NFIB: variants seen among roughly 807,000 people sequenced by gnomAD.
The protein encoded by NFIB is nuclear factor 1 B-type.
In NFIB, 11 loss-of-function variants were observed where a neutral mutation model predicts 61.5. The ratio of observed to expected loss-of-function variants is 0.18; its 90% CI spans 0.11 to 0.30. The LOEUF (loss-of-function observed/expected upper bound fraction) is 0.30. Among genes scored for constraint, NFIB ranks in the 10% least tolerant of loss-of-function variants. The pLI, the probability that NFIB is intolerant of heterozygous loss-of-function variation, is 1.00. For synonymous variants in NFIB, 260 were observed against 216.5 expected (o/e 1.20, Z -1.76); for missense variants, 471 against 608.9 (o/e 0.77, Z 2.38).
At chr9:14,459,032 G>C in the NFIB span, among the ~76,000 whole-genome samples, 2 of 151,996 alleles carry the variant, frequency 1.3e-5, no homozygotes, top group Non-Finnish European at 2.9e-5. Flanking sequence ...AGTTCATATG[G>C]AACCAAAAAA....
rs573695925 is a variant in NFIB, at chr9:14,195,456, G to A, written c.563-15676C>T. ...CATCAAGCTAATTTTGTGAGCACAC[G>A]AAACAGAGAAATAATCTCAAAGAAA... is the stretch of plus-strand genomic sequence containing the variant. On this transcript the variant is annotated intron_variant, in intron 2 of 10. Coordinates refer to ENST00000380953, the MANE Select transcript of NFIB (RefSeq NM_001190737.2). 6.8e-4 allele frequency among the ~76,000 whole-genome samples: 104 copies of A among 152,316 alleles called. 1 individual carries two copies. Among genetic ancestry groups the A allele is most frequent in the Non-Finnish European group, 1.2e-3 (83 of 68,026 alleles).
the NFIB span, among the ~76,000 whole-genome samples, chr9:14,419,516 C>T: frequency 6.6e-6 from 1 of 152,076 alleles, no homozygotes; most frequent in Non-Finnish European, 1.5e-5. Context: ...CTGCTGTAGC[C>T]ATTTTGAAAT....
At chr9:14,487,548 C>A in the NFIB span, among the ~76,000 whole-genome samples, 1 of 152,108 alleles carries the variant, frequency 6.6e-6, no homozygotes, top group Non-Finnish European at 1.5e-5. Flanking sequence ...CCTGACCCCA[C>A]CCCCAAATTC....
At chr9:14,490,302 T>A in the NFIB span, among the ~76,000 whole-genome samples, 1 of 152,042 alleles carries the variant, frequency 6.6e-6, no homozygotes, top group African/African-American at 2.4e-5. Flanking sequence ...CATACACATA[T>A]AAAAAATCAA....
intron 2 of NFIB, among the ~76,000 whole-genome samples, chr9:14,280,809 A>G (rs1051200624): frequency 6.6e-6 from 1 of 152,168 alleles, no homozygotes; most frequent in Non-Finnish European, 1.5e-5. Flanking sequence ...CAGGTATAGA[A>G]GGTGGCCAGG....
chr9:14,241,786 T>G (rs1231426673), intron 2 of NFIB, among the ~76,000 whole-genome samples: 1 of 152,204 alleles, frequency 6.6e-6, no homozygotes, highest in Admixed American at 6.6e-5. Flanking sequence ...TGCAGAAATA[T>G]ATTTTAAATT....
At chr9:14,450,594 T>G in the NFIB span, among the ~76,000 whole-genome samples, 1 of 152,276 alleles carries the variant, frequency 6.6e-6, no homozygotes, top group Non-Finnish European at 1.5e-5. Flanking sequence ...TCTAACTAAG[T>G]GCCCCTCTAC....
At chr9:14,214,608 G>T (rs1261613431) in intron 2 of NFIB, among the ~76,000 whole-genome samples, 1 of 152,184 alleles carries the variant, frequency 6.6e-6, no homozygotes, top group Non-Finnish European at 1.5e-5. Context: ...ATTATGGATT[G>T]TATCATGCTT....
At chr9:14,212,031 C>A (rs546604068) in intron 2 of NFIB, among the ~76,000 whole-genome samples, 105 of 152,260 alleles carry the variant, frequency 6.9e-4, no homozygotes, top group African/African-American at 2.5e-3. Context: ...AGTGTTAATG[C>A]AAATACGTTG....
At chr9:14,406,881 C>A in the NFIB span, among the ~76,000 whole-genome samples, 1 of 152,188 alleles carries the variant, frequency 6.6e-6, no homozygotes, top group East Asian at 1.9e-4. Context: ...TAGAGCAAAG[C>A]CTCACCTTCT....
the NFIB span, among the ~76,000 whole-genome samples, chr9:14,468,437 C>T: frequency 6.6e-6 from 1 of 152,312 alleles, no homozygotes; most frequent in East Asian, 1.9e-4. Flanking sequence ...AAAATGCCCA[C>T]TTATTAATGA....
intron 2 of NFIB, among the ~76,000 whole-genome samples, chr9:14,198,493 C>T (rs888268984): frequency 6.6e-6 from 1 of 151,994 alleles, no homozygotes; most frequent in Non-Finnish European, 1.5e-5. Context: ...CCAAAAAGAC[C>T]AATTAAAGGA....
chr9:14,265,552 T>G (rs1430938078), intron 2 of NFIB, among the ~76,000 whole-genome samples: 1 of 152,176 alleles, frequency 6.6e-6, no homozygotes, highest in Non-Finnish European at 1.5e-5. Context: ...ATCTTGGCCT[T>G]CCCAGCCTCC....
rs59986215 is a variant in NFIB, at chr9:14,105,962, A to T, written c.1467+7037T>A. Among the ~76,000 whole-genome samples the T allele has an allele frequency of 3.4e-3, 525 of 152,190 alleles. 4 individuals carry two copies. Among genetic ancestry groups the T allele is most frequent in the African/African-American group, 0.012 (503 of 41,560 alleles). ...CCTGTGACAGAATCAGTGTTAGGTA[A>T]TTCAGCTGTAAATTCTCTTTTTTTA... On this transcript the variant is annotated intron_variant, in intron 10 of 10. Transcript: ENST00000380953.
intron 1 of NFIB, among the ~76,000 whole-genome samples, chr9:14,356,335 C>A (rs922021975): frequency 6.6e-6 from 1 of 152,032 alleles, no homozygotes; most frequent in Admixed American, 6.6e-5. Context: ...GTGGCTCGGA[C>A]CAAGATTTTC....
chr9:14,313,077 G>A lies in NFIB; in HGVS notation c.30+405C>T, dbSNP rs915145741. 6.6e-6 allele frequency among the ~76,000 whole-genome samples: 1 copy of A among 152,166 alleles called. No homozygotes were observed. Among genetic ancestry groups the A allele is most frequent in the Non-Finnish European group, 1.5e-5 (1 of 68,026 alleles). On this transcript the variant is annotated intron_variant, in intron 1 of 10. Transcript: ENST00000380953. This position sits in a 1 kb window ranked among gnomAD's most constrained non-coding sequence, Gnocchi z 4.5. ...TTCACTGGCTGTTTTTAAAAGCTTAGTCCCCCGTAAAGTCCTCCAAAGCCC... is the reference window on the plus strand; with the variant it reads ...TTCACTGGCTGTTTTTAAAAGCTTAATCCCCCGTAAAGTCCTCCAAAGCCC...
the NFIB span, among the ~76,000 whole-genome samples, chr9:14,420,835 A>T: frequency 9.3e-4 from 142 of 152,330 alleles, no homozygotes; most frequent in African/African-American, 3.3e-3. Flanking sequence ...CTCGTCAATC[A>T]GGAGGGAACC....
At chr9:14,089,861 C>A (rs2033584270) in intron 10 of NFIB, among the ~76,000 whole-genome samples, 1 of 152,042 alleles carries the variant, frequency 6.6e-6, no homozygotes, top group Admixed American at 6.5e-5. Flanking sequence ...TCTGGTGATA[C>A]CTCGATACAA....
intron 1 of NFIB, among the ~76,000 whole-genome samples, chr9:14,366,587 A>G (rs656983): frequency 0.42 from 63,415 of 151,712 alleles, 15,561 homozygotes; most frequent in African/African-American, 0.69. Context: ...CCAGGTTCAA[A>G]TGATTCTCCT....
Sources: gnomAD v4.1 joint callset for allele counts (sites outside exome capture counted in the v4.1 genomes callset) on GRCh38, gnomAD v4.1.1 for gene constraint, Gnocchi (gnomAD v3.1) non-coding constraint, MANE v1.5 for transcripts, NCBI Gene and HGNC (gene_info 2026-07-23, HGNC 2026-07-21) for gene names.